LRP6: variants seen among roughly 807,000 people sequenced by gnomAD.
The protein encoded by LRP6 is LDL receptor related protein 6, also known as low-density lipoprotein receptor-related protein 6.
A neutral mutation model predicts 184.1 loss-of-function variants in LRP6; 43 were observed. The observed-to-expected ratio is 0.23, with a 90% CI of 0.18 to 0.30. The LOEUF (loss-of-function observed/expected upper bound fraction) is 0.30, where lower values mean the gene tolerates loss of function less well. Among genes scored for constraint, LRP6 ranks in the 10% least tolerant of loss-of-function variants. LRP6 has a pLI of 1.00. For synonymous variants in LRP6, 719 were observed against 684.9 expected (o/e 1.05, Z -0.78); for missense variants, 1,571 against 2,005.3 (o/e 0.78, Z 4.14).
intron 2 of LRP6, among the ~76,000 whole-genome samples, chr12:12,240,785 C>T (rs1865044284): frequency 1.3e-5 from 2 of 152,036 alleles, no homozygotes; most frequent in African/African-American, 2.4e-5. Context: ...AAGATTAGTA[C>T]GGTTGCTTAG....
At position 12,234,753 on chromosome 12, in the gene LRP6, C is replaced by T. The variant is rs370274455; in HGVS notation, c.449+9509G>A. Among the ~76,000 whole-genome samples, 430 of 152,030 alleles carry T rather than the reference C, an allele frequency of 2.8e-3. 1 individual carries two copies. Among genetic ancestry groups the T allele is most frequent in the Non-Finnish European group, 4.6e-3 (315 of 67,986 alleles). ...GGCTGAGGCAGGAGAATCGCTTGAA[C>T]CCAGGATGCAGAGGTTGCAATGAGC... On this transcript the variant is annotated intron_variant, in intron 2 of 22. Coordinates refer to ENST00000261349, the MANE Select transcript of LRP6 (RefSeq NM_002336.3).
At chr12:12,223,886 CACTTAT>C (rs1348096686) in intron 2 of LRP6, among the ~76,000 whole-genome samples, 1 of 152,134 alleles carries the variant, frequency 6.6e-6, no homozygotes, top group Non-Finnish European at 1.5e-5. Flanking sequence ...ATCCACCATC[CACTTAT>C]ACTTAACTGT....
chr12:12,246,165 C>T (rs1217772103), intron 1 of LRP6, among the ~76,000 whole-genome samples: 4 of 151,542 alleles, frequency 2.6e-5, no homozygotes, highest in African/African-American at 4.8e-5. Flanking sequence ...ACTATGGGTC[C>T]GGCTAATTTT....
At chr12:12,140,616 T>G (rs1232876053) in intron 15 of LRP6, among the ~76,000 whole-genome samples, 1 of 136,666 alleles carries the variant, frequency 7.3e-6, no homozygotes, top group East Asian at 2.0e-4. Context: ...TTTTTTTTTT[T>G]TTTTTGAGAC....
At chr12:12,205,146 T>C (rs890792211) in intron 2 of LRP6, among the ~76,000 whole-genome samples, 24 of 151,024 alleles carry the variant, frequency 1.6e-4, no homozygotes, top group Non-Finnish European at 3.5e-4. Flanking sequence ...CTGTCCAACA[T>C]GGTGAAACCC....
rs369248082 is a variant in LRP6 at position 12,121,311 on chromosome 12, C to A, written c.4657G>T (p.Ala1553Ser). 1 of 1,614,164 alleles carries A rather than the reference C, an allele frequency of 6.2e-7. No homozygotes were observed. Among genetic ancestry groups the A allele is most frequent in the South Asian group, 1.1e-5 (1 of 91,078 alleles). ...TTCAAGTCACTGGTATAGCCCTTGG[C>A]TGTTGCCACTGAGGTCATTCTCCGA... Reference protein sequence around the residue: ...PSRRMTSVATAKGYTSDLNYD... With the variant: ...PSRRMTSVATSKGYTSDLNYD... The change falls in exon 23 of 23, where the codon GCC (alanine) becomes TCC (serine). Residue 1553 changes from alanine (A) to serine (S), a missense_variant. This residue lies in a region of LRP6 where 763 missense variants were observed against 859.5 expected (regional missense o/e 0.89). Transcript: ENST00000261349.
At chr12:12,234,195 G>C (rs190921319) in intron 2 of LRP6, among the ~76,000 whole-genome samples, 1 of 152,134 alleles carries the variant, frequency 6.6e-6, no homozygotes, top group East Asian at 1.9e-4. Flanking sequence ...GCTGAGGAAG[G>C]AGAATTGCTT....
chr12:12,216,567 C>T (rs908320892), intron 2 of LRP6, among the ~76,000 whole-genome samples: 4 of 151,352 alleles, frequency 2.6e-5, no homozygotes, highest in African/African-American at 9.7e-5. Context: ...GTTTCTGCAA[C>T]CGTTAGGTAG....
intron 2 of LRP6, among the ~76,000 whole-genome samples, chr12:12,241,467 T>C (rs909314564): frequency 2.0e-5 from 3 of 152,220 alleles, no homozygotes; most frequent in Admixed American, 1.3e-4. Flanking sequence ...AATATAATTT[T>C]AAATACGCTC....
chr12:12,266,916 G>A lies in LRP6; in HGVS notation c.-181C>T. On this transcript the variant is annotated 5_prime_UTR_variant, in exon 1 of 23. Coordinates refer to ENST00000261349, the MANE Select transcript of LRP6 (RefSeq NM_002336.3). ...GCGCGCCGCCGCCGCCCTCTCTACC[G>A]CGCCGCTCGGCCCCGGGCTCGCGCG... 3 of 632,538 alleles carry A rather than the reference G, an allele frequency of 4.7e-6. No individual in the cohort carries two copies. Among genetic ancestry groups the A allele is most frequent in the Non-Finnish European group, 8.5e-6 (3 of 354,422 alleles). The allele number at this position is 632,538 out of a possible 1,614,324, so 39.2% of individuals were successfully genotyped here.
At chr12:12,163,086 G>A (rs551526256) in intron 9 of LRP6, among the ~76,000 whole-genome samples, 5 of 151,964 alleles carry the variant, frequency 3.3e-5, no homozygotes, top group African/African-American at 1.2e-4. Context: ...AGTGATTCTC[G>A]TGCCTCAGTT....
intron 7 of LRP6, among the ~76,000 whole-genome samples, chr12:12,176,384 T>A (rs960341728): frequency 6.6e-6 from 1 of 152,168 alleles, no homozygotes; most frequent in African/African-American, 2.4e-5. Flanking sequence ...AAAACAGACA[T>A]ACCCTCACAT....
intron 19 of LRP6, among the ~76,000 whole-genome samples, chr12:12,130,490 T>G (rs1419088727): frequency 6.6e-6 from 1 of 152,200 alleles, no homozygotes; most frequent in Admixed American, 6.5e-5. Context: ...CCGGCTGATT[T>G]CTATGTATCT....
At chr12:12,160,838 T>C (rs568545748) in intron 10 of LRP6, among the ~76,000 whole-genome samples, 19 of 152,334 alleles carry the variant, frequency 1.2e-4, no homozygotes, top group African/African-American at 4.6e-4. Context: ...TGCTAGTTTT[T>C]GAGACTCTTG....
chr12:12,131,030 G>C, intron 18 of LRP6, 137 bp from the exon 19 acceptor site: 1 of 636,002 alleles, frequency 1.6e-6, no homozygotes, highest in Non-Finnish European at 2.8e-6. Context: ...ATTATTCTCT[G>C]GAGTTCCATT....
intron 4 of LRP6, among the ~76,000 whole-genome samples, chr12:12,185,257 T>C (rs1375958804): frequency 1.3e-5 from 2 of 151,928 alleles, no homozygotes; most frequent in Non-Finnish European, 1.5e-5. Context: ...CGTGATCACA[T>C]AAACGCACAA....
At chr12:12,259,073 C>A (rs1458955031) in intron 1 of LRP6, among the ~76,000 whole-genome samples, 2 of 152,084 alleles carry the variant, frequency 1.3e-5, no homozygotes, top group Non-Finnish European at 2.9e-5. Flanking sequence ...ACCAGCCTGG[C>A]CAACATGGTG....
chr12:12,128,240 T>G (rs964117023), intron 19 of LRP6, among the ~76,000 whole-genome samples: 22 of 152,318 alleles, frequency 1.4e-4, no homozygotes, highest in African/African-American at 5.3e-4. Flanking sequence ...TAAAAAAAAG[T>G]CTGATCAATA....
At chr12:12,197,049 C>A (rs1249650388) in intron 3 of LRP6, among the ~76,000 whole-genome samples, 2 of 152,188 alleles carry the variant, frequency 1.3e-5, no homozygotes, top group Non-Finnish European at 2.9e-5. Context: ...TAAATTGCTT[C>A]TTTCTTGTAT....
Sources: gnomAD v4.1 joint callset for allele counts (sites outside exome capture counted in the v4.1 genomes callset) on GRCh38, gnomAD v4.1.1 for gene constraint, gnomAD v4.1.1 regional missense constraint, MANE v1.5 for transcripts, NCBI Gene and HGNC (gene_info 2026-07-23, HGNC 2026-07-21) for gene names.